Variants in GRIN2B observed in about 807,000 individuals in gnomAD.
The protein encoded by GRIN2B is glutamate receptor ionotropic, NMDA 2B.
GRIN2B carries 5 observed loss-of-function variants against 114.5 expected under a neutral mutation model. The ratio of observed to expected loss-of-function variants is 0.04; its 90% CI spans 0.02 to 0.09. The LOEUF (loss-of-function observed/expected upper bound fraction) is 0.09. Ranked by LOEUF, GRIN2B falls within the 10% of genes least tolerant of loss-of-function variation. The probability of loss-of-function intolerance (pLI) is 1.00; values close to 1 mark genes in which losing one functional copy is unlikely to be tolerated. For synonymous variants in GRIN2B, 787 were observed against 745.1 expected (o/e 1.06, Z -0.92); for missense variants, 1,108 against 1,943.5 (o/e 0.57, Z 8.08).
At chr12:13,658,065 C>T (rs1949884053) in intron 5 of GRIN2B, among the ~76,000 whole-genome samples, 3 of 152,038 alleles carry the variant, frequency 2.0e-5, no homozygotes, top group South Asian at 2.1e-4. Flanking sequence ...ATTAGCTGGG[C>T]GTGGTGGTAC....
intron 3 of GRIN2B, among the ~76,000 whole-genome samples, chr12:13,860,477 C>A (rs1448847833): frequency 6.6e-6 from 1 of 152,088 alleles, no homozygotes; most frequent in African/African-American, 2.4e-5. Flanking sequence ...TACAGGTGTG[C>A]GTCACCACGC....
At chr12:13,575,192 C>T (rs1225678090) in intron 10 of GRIN2B, among the ~76,000 whole-genome samples, 3 of 151,942 alleles carry the variant, frequency 2.0e-5, no homozygotes, top group Non-Finnish European at 2.9e-5. Flanking sequence ...AAAAGGTAAA[C>T]GATAAATTGG....
At chr12:13,775,318 G>T (rs1863984623) in intron 3 of GRIN2B, among the ~76,000 whole-genome samples, 1 of 152,148 alleles carries the variant, frequency 6.6e-6, no homozygotes, top group Non-Finnish European at 1.5e-5. Context: ...TGGTAAGATT[G>T]TCCAGGTAGG....
intron 3 of GRIN2B, among the ~76,000 whole-genome samples, chr12:13,863,881 C>T (rs1238191902): frequency 2.6e-5 from 4 of 152,266 alleles, no homozygotes; most frequent in Non-Finnish European, 4.4e-5. Context: ...TAGATATGTA[C>T]TTATTCATGG....
chr12:13,746,309 T>C (rs764356737), intron 4 of GRIN2B, among the ~76,000 whole-genome samples: 10 of 152,184 alleles, frequency 6.6e-5, no homozygotes, highest in Non-Finnish European at 8.8e-5. Flanking sequence ...GGGGCTGATT[T>C]AAATATATAC....
intron 3 of GRIN2B, among the ~76,000 whole-genome samples, chr12:13,781,380 G>A (rs1005129058): frequency 6.6e-5 from 10 of 152,254 alleles, no homozygotes; most frequent in Middle Eastern, 3.4e-3. Context: ...TGGGAAACCC[G>A]GCTGTCAAAC....
intron 10 of GRIN2B, among the ~76,000 whole-genome samples, chr12:13,594,054 G>A (rs899938615): frequency 6.6e-6 from 1 of 152,202 alleles, no homozygotes; most frequent in African/African-American, 2.4e-5. Context: ...GGAGAAATAG[G>A]AAGGCTTTTA....
chr12:13,916,784 G>C (rs1333078449), intron 2 of GRIN2B, among the ~76,000 whole-genome samples: 1 of 139,640 alleles, frequency 7.2e-6, no homozygotes, highest in East Asian at 2.2e-4. Flanking sequence ...ATGTACGCCA[G>C]GATGACAATG....
intron 2 of GRIN2B, among the ~76,000 whole-genome samples, chr12:13,884,746 G>C (rs1036467271): frequency 1.3e-5 from 2 of 152,226 alleles, no homozygotes; most frequent in South Asian, 4.1e-4. Context: ...TCATACCTTT[G>C]TCAAGCTGAG....
intron 4 of GRIN2B, among the ~76,000 whole-genome samples, chr12:13,725,963 T>A (rs1862977697): frequency 6.6e-6 from 1 of 152,148 alleles, no homozygotes; most frequent in African/African-American, 2.4e-5. Flanking sequence ...TCTGCTTTAT[T>A]TCTGGAAGGT....
intron 5 of GRIN2B, among the ~76,000 whole-genome samples, chr12:13,635,050 C>T (rs1268718572): frequency 6.6e-6 from 1 of 152,148 alleles, no homozygotes; most frequent in Non-Finnish European, 1.5e-5. Flanking sequence ...AGTGCCAATC[C>T]ATGGAAATCA....
intron 4 of GRIN2B, among the ~76,000 whole-genome samples, chr12:13,722,497 G>C (rs1485794864): frequency 1.3e-5 from 2 of 152,072 alleles, no homozygotes; most frequent in African/African-American, 2.4e-5. Flanking sequence ...TGTAGACAGA[G>C]GGCATGGGTA....
At chr12:13,906,469 G>C (rs1866535985) in intron 2 of GRIN2B, among the ~76,000 whole-genome samples, 1 of 152,212 alleles carries the variant, frequency 6.6e-6, no homozygotes, top group Non-Finnish European at 1.5e-5. Context: ...CAATAGGGTT[G>C]TAGAGAGACA....
At chr12:13,582,918 T>C (rs1948872022) in intron 10 of GRIN2B, among the ~76,000 whole-genome samples, 2 of 152,232 alleles carry the variant, frequency 1.3e-5, no homozygotes, top group Non-Finnish European at 2.9e-5. Flanking sequence ...TTTTGTATTT[T>C]ATAAAATTTG....
chr12:13,713,372 T>C (rs1403371260), intron 4 of GRIN2B, among the ~76,000 whole-genome samples: 1 of 151,834 alleles, frequency 6.6e-6, no homozygotes, highest in African/African-American at 2.4e-5. Flanking sequence ...CTTAGTGGCT[T>C]AAGCCTCCCA....
intron 4 of GRIN2B, among the ~76,000 whole-genome samples, chr12:13,721,751 G>T (rs1460863117): frequency 2.0e-5 from 3 of 151,926 alleles, no homozygotes; most frequent in Non-Finnish European, 4.4e-5. Flanking sequence ...TACCTATAAA[G>T]GATATGTAAA....
intron 2 of GRIN2B, among the ~76,000 whole-genome samples, chr12:13,908,794 C>T (rs1346025797): frequency 6.6e-6 from 1 of 152,192 alleles, no homozygotes; most frequent in Non-Finnish European, 1.5e-5. Flanking sequence ...GTCATCTCCC[C>T]TTGCTTGAGA....
intron 2 of GRIN2B, among the ~76,000 whole-genome samples, chr12:13,925,794 T>G (rs975177471): frequency 5.9e-5 from 9 of 152,190 alleles, no homozygotes; most frequent in African/African-American, 2.2e-4. Context: ...AAGTCAGCAC[T>G]AATGACCTGT....
chr12:13,723,007 C>G (rs941726897), intron 4 of GRIN2B, among the ~76,000 whole-genome samples: 1 of 151,974 alleles, frequency 6.6e-6, no homozygotes, highest in Non-Finnish European at 1.5e-5. Flanking sequence ...GCTTCTTGCC[C>G]TGGGGTTTCT....
Sources: allele counts gnomAD v4.1 joint callset (sites outside exome capture counted in the v4.1 genomes callset), GRCh38; gene constraint gnomAD v4.1.1; transcripts MANE v1.5; gene names NCBI Gene and HGNC (gene_info 2026-07-23, HGNC 2026-07-21).